The following NTM variants were observed in gnomAD, a reference collection of about 807,000 sequenced individuals.
The protein encoded by NTM is neurotrimin.
NTM carries 13 observed loss-of-function variants against 42.1 expected under a neutral mutation model. The observed-to-expected ratio is 0.31, with a 90% CI of 0.20 to 0.49. The LOEUF (loss-of-function observed/expected upper bound fraction) is 0.49. Ranked by LOEUF, NTM falls within the 20% of genes least tolerant of loss-of-function variation. The pLI, the probability that NTM is intolerant of heterozygous loss-of-function variation, is 0.99. For missense variants in NTM, 373 were observed against 452.8 expected (o/e 0.82, Z 1.60); for synonymous variants, 187 against 179.2 (o/e 1.04, Z -0.35).
chr11:132,255,220 A>G (rs1407301088), intron 4 of NTM, among the ~76,000 whole-genome samples: 1 of 151,338 alleles, frequency 6.6e-6, no homozygotes, highest in Non-Finnish European at 1.5e-5. Context: ...ATCTCTTTCT[A>G]CTCCTTTCTT....
At chr11:132,205,107 G>T (rs2081776679) in intron 3 of NTM, among the ~76,000 whole-genome samples, 1 of 152,184 alleles carries the variant, frequency 6.6e-6, no homozygotes, top group Non-Finnish European at 1.5e-5. Flanking sequence ...AGCCCTTGCT[G>T]TGAGAACTGC....
chr11:131,617,325 GT>G (rs1168259722), intron 1 of NTM, among the ~76,000 whole-genome samples: 2 of 152,168 alleles, frequency 1.3e-5, no homozygotes, highest in East Asian at 3.8e-4. Context: ...AAGAAAACGT[GT>G]GCTTCGTACG....
At chr11:132,316,797 T>G (rs2095440756) in intron 7 of NTM, among the ~76,000 whole-genome samples, 1 of 152,146 alleles carries the variant, frequency 6.6e-6, no homozygotes, top group Admixed American at 6.5e-5. Flanking sequence ...TTATTGTGGC[T>G]CCTAGGTTCA....
At chr11:131,920,743 A>G (rs2057103887) in intron 2 of NTM, among the ~76,000 whole-genome samples, 1 of 152,176 alleles carries the variant, frequency 6.6e-6, no homozygotes, top group African/African-American at 2.4e-5. Context: ...AATCTTGCTG[A>G]TGGATTTCTT....
chr11:131,883,214 G>A (rs1161007664), intron 1 of NTM, among the ~76,000 whole-genome samples: 2 of 152,160 alleles, frequency 1.3e-5, no homozygotes, highest in Admixed American at 6.5e-5. Flanking sequence ...GCCAATTATA[G>A]TGCATCTTCT....
chr11:131,943,561 A>G (rs1360814473), intron 2 of NTM, among the ~76,000 whole-genome samples: 1 of 152,218 alleles, frequency 6.6e-6, no homozygotes, highest in Non-Finnish European at 1.5e-5. Context: ...GAAAGAGACC[A>G]GTGGGGCAGG....
intron 1 of NTM, among the ~76,000 whole-genome samples, chr11:131,411,162 T>C (rs1167543881): frequency 2.6e-5 from 4 of 152,228 alleles, no homozygotes; most frequent in Non-Finnish European, 5.9e-5. Context: ...GAGGGTTTCA[T>C]GGACTCCTCC....
At chr11:131,423,558 C>T (rs1193560043) in intron 1 of NTM, among the ~76,000 whole-genome samples, 1 of 152,178 alleles carries the variant, frequency 6.6e-6, no homozygotes, top group African/African-American at 2.4e-5. Flanking sequence ...GCTGTTGTTG[C>T]TGAGCTTCTT....
At chr11:132,304,199 G>A (rs567846139) in intron 4 of NTM, among the ~76,000 whole-genome samples, 10 of 152,196 alleles carry the variant, frequency 6.6e-5, no homozygotes, top group Non-Finnish European at 1.3e-4. Context: ...AGTGTCTGAA[G>A]AAGTGGACCA....
At chr11:131,933,902 A>T (rs1271414485) in intron 2 of NTM, among the ~76,000 whole-genome samples, 2 of 151,686 alleles carry the variant, frequency 1.3e-5, no homozygotes, top group African/African-American at 4.9e-5. Flanking sequence ...GTTGTTTTAC[A>T]AAGTGCCCTA....
intron 1 of NTM, among the ~76,000 whole-genome samples, chr11:131,643,124 C>A (rs1189499367): frequency 6.6e-6 from 1 of 151,768 alleles, no homozygotes; most frequent in African/African-American, 2.4e-5. Flanking sequence ...ATTTCAATTC[C>A]TATTACAGAA....
intron 1 of NTM, among the ~76,000 whole-genome samples, chr11:131,493,129 T>A (rs917523058): frequency 2.0e-5 from 3 of 151,532 alleles, no homozygotes; most frequent in African/African-American, 7.3e-5. Context: ...GGGGCTGGGG[T>A]GGGGGTGCTC....
chr11:132,061,948 A>C (rs1031652083), intron 2 of NTM, among the ~76,000 whole-genome samples: 2 of 152,056 alleles, frequency 1.3e-5, no homozygotes, highest in Admixed American at 1.3e-4. Context: ...GTGTGTGTGG[A>C]TCAGATAGGG....
intron 2 of NTM, among the ~76,000 whole-genome samples, chr11:131,979,990 T>A (rs2065000026): frequency 6.6e-6 from 1 of 152,224 alleles, no homozygotes; most frequent in Non-Finnish European, 1.5e-5. Flanking sequence ...TTATTGCTGC[T>A]GAGTAAACTG....
chr11:131,528,063 AT>A (rs796317787), intron 1 of NTM, among the ~76,000 whole-genome samples: 1 of 151,640 alleles, frequency 6.6e-6, no homozygotes, highest in East Asian at 1.9e-4. Context: ...AATGTTCCAA[AT>A]TTTTTTAAAA....
chr11:132,167,771 C>G (rs1259336067), intron 3 of NTM, among the ~76,000 whole-genome samples: 1 of 152,140 alleles, frequency 6.6e-6, no homozygotes, highest in African/African-American at 2.4e-5. Flanking sequence ...ATATGTGTAA[C>G]CCTCTCACCA....
chr11:131,891,963 C>T (rs995677996), intron 1 of NTM, among the ~76,000 whole-genome samples: 1 of 152,148 alleles, frequency 6.6e-6, no homozygotes, highest in African/African-American at 2.4e-5. Flanking sequence ...TGAGCCACAG[C>T]CTAGGGAGTA....
intron 1 of NTM, among the ~76,000 whole-genome samples, chr11:131,586,722 A>T (rs893607960): frequency 3.3e-5 from 5 of 152,196 alleles, no homozygotes; most frequent in Non-Finnish European, 7.4e-5. Flanking sequence ...CAGATAATTA[A>T]TACAATGGGT....
chr11:132,044,116 ATGTG>A (rs66662018), intron 2 of NTM, among the ~76,000 whole-genome samples: 1 of 74,194 alleles, frequency 1.3e-5, no homozygotes, highest in Non-Finnish European at 2.7e-5. Context: ...GTGTATGTGT[ATGTG>A]TGTGTATATA....
Sources: gnomAD v4.1 joint callset for allele counts (sites outside exome capture counted in the v4.1 genomes callset) on GRCh38, gnomAD v4.1.1 for gene constraint, MANE v1.5 for transcripts, NCBI Gene and HGNC (gene_info 2026-07-23, HGNC 2026-07-21) for gene names.